ADARB1: variants seen among roughly 807,000 people sequenced by gnomAD.
The protein encoded by ADARB1 is adenosine deaminase RNA specific B1.
A neutral mutation model predicts 52.4 loss-of-function variants in ADARB1; 10 were observed. The ratio of observed to expected loss-of-function variants is 0.19; its 90% CI spans 0.12 to 0.32. ADARB1 has a LOEUF of 0.32. ADARB1 is among the 10% of genes least tolerant of loss of function. The pLI is 1.00. For missense variants in ADARB1, 643 were observed against 922.3 expected (o/e 0.70, Z 3.92); for synonymous variants, 349 against 371.1 (o/e 0.94, Z 0.68).
intron 1 of ADARB1, among the ~76,000 whole-genome samples, chr21:45,114,993 T>G (rs2087749993): frequency 6.6e-6 from 1 of 152,230 alleles, no homozygotes; most frequent in Admixed American, 6.5e-5. Context: ...AGCTTTTATT[T>G]GAAACAACAG....
intron 9 of ADARB1, among the ~76,000 whole-genome samples, chr21:45,219,291 C>T (rs750287822): frequency 3.3e-5 from 5 of 152,004 alleles, no homozygotes; most frequent in Admixed American, 2.0e-4. Context: ...TTTGGGAGGC[C>T]GAGGCGGGAA....
At chr21:45,117,275 T>G (rs573360840) in intron 1 of ADARB1, among the ~76,000 whole-genome samples, 3 of 152,336 alleles carry the variant, frequency 2.0e-5, no homozygotes, top group Non-Finnish European at 4.4e-5. Flanking sequence ...ACTCTCTGGC[T>G]TGTCCTTGTG....
At chr21:45,137,605 C>T (rs2089465557) in intron 2 of ADARB1, among the ~76,000 whole-genome samples, 2 of 152,314 alleles carry the variant, frequency 1.3e-5, no homozygotes, top group Admixed American at 6.5e-5. Flanking sequence ...AGGATGTCTG[C>T]GTTCAGTGAT....
rs1369736548 is a variant in ADARB1, at chr21:45,111,916, GGGT to G, written c.-219-16484_-219-16482del. Among the ~76,000 whole-genome samples the G allele has an allele frequency of 3.3e-5, 5 of 152,356 alleles. No homozygotes were observed. In the South Asian group the frequency reaches 1.0e-3, roughly 32 times the overall value. On this transcript the variant is annotated intron_variant, in intron 1 of 10. Transcript: ENST00000348831. The stretch of plus-strand genomic sequence containing the variant: ...TGAGCACACGCACTTCAGCGTGAGT[GGGT>G]GATGCTGGCATGGTGCCTGGTTGGG...
intron 1 of ADARB1, among the ~76,000 whole-genome samples, chr21:45,113,619 C>T (rs1410212432): frequency 6.6e-6 from 1 of 151,766 alleles, no homozygotes; most frequent in Non-Finnish European, 1.5e-5. Flanking sequence ...AGTGTCTGTA[C>T]AGCGTCACCT....
At position 45,184,917 on chromosome 21, in the gene ADARB1, T is replaced by C. The variant is rs1159039660; in HGVS notation, c.1397-6T>C. The C allele has an allele frequency of 1.2e-6, 2 of 1,607,594 alleles. No individual in the cohort carries two copies. Among genetic ancestry groups the C allele is most frequent in the Non-Finnish European group, 1.7e-6 (2 of 1,174,790 alleles). On this transcript the variant is annotated splice_polypyrimidine_tract_variant and splice_region_variant and intron_variant, in intron 7 of 10. Transcript: ENST00000348831. Reference sequence around the variant, plus strand: ...CTGTGGGGTTTTAACTCTTTTTCTCTCTTAGAACCAGCAGATAGACACCCA... The same window carrying C: ...CTGTGGGGTTTTAACTCTTTTTCTCCCTTAGAACCAGCAGATAGACACCCA...
At chr21:45,192,632 G>A (rs914562507) in intron 8 of ADARB1, among the ~76,000 whole-genome samples, 2 of 152,096 alleles carry the variant, frequency 1.3e-5, no homozygotes, top group Non-Finnish European at 2.9e-5. Context: ...TGGAAGATGA[G>A]ATGCCACTTG....
rs528926435 is a variant in ADARB1, at chr21:45,087,539, G to A, written c.-220+12746G>A. 7.9e-5 allele frequency among the ~76,000 whole-genome samples: 12 copies of A among 152,270 alleles called. No individual in the cohort carries two copies. The East Asian group carries it at 1.4e-3, about 17-fold the overall frequency. Reference sequence around the variant, plus strand: ...TGGTGACTGCAGAGGGCCAGGGGACGGAGGAGGAGTGGGTGCCAGGTCATA... The same window carrying A: ...TGGTGACTGCAGAGGGCCAGGGGACAGAGGAGGAGTGGGTGCCAGGTCATA... On this transcript the variant is annotated intron_variant, in intron 1 of 10. Coordinates refer to ENST00000348831, the MANE Select transcript of ADARB1 (RefSeq NM_001112.4).
chr21:45,095,115 A>G (rs965471015), intron 1 of ADARB1, among the ~76,000 whole-genome samples: 4 of 152,204 alleles, frequency 2.6e-5, no homozygotes, highest in African/African-American at 9.7e-5. Flanking sequence ...GGTCTCAATC[A>G]GTGTCTCAAC....
At position 45,221,109 on chromosome 21, in the gene ADARB1, C is replaced by T. The variant is rs963465603; in HGVS notation, c.1926+95C>T. On this transcript the variant is annotated intron_variant, in intron 10 of 10. Transcript: ENST00000348831. The surrounding 1 kb of genome is among the most constrained non-coding windows in gnomAD (Gnocchi z 4.9). ...TGTTCCTTAAGTTGTTTCATCATGT[C>T]ATCATGCACAGCTTCCGAAAACGAT... 2.4e-5 allele frequency: 32 copies of T among 1,339,464 alleles called. 2 individuals are homozygous for T. The Admixed American group carries it at 7.2e-4, about 30-fold the overall frequency. 83.0% of individuals were successfully genotyped at this position (1,339,464 alleles called of 1,614,324 possible).
chr21:45,078,095 C>A (rs2086016816), intron 1 of ADARB1, among the ~76,000 whole-genome samples: 1 of 151,992 alleles, frequency 6.6e-6, no homozygotes, highest in African/African-American at 2.4e-5. Flanking sequence ...GCTTGCTGCA[C>A]TTTTCCACCT....
chr21:45,086,385 A>G (rs1292043258), intron 1 of ADARB1, among the ~76,000 whole-genome samples: 1 of 151,950 alleles, frequency 6.6e-6, no homozygotes, highest in African/African-American at 2.4e-5. Context: ...CTAAGAGGAC[A>G]ATTCAGTGAT....
At chr21:45,159,820 C>T (rs1445887871) in intron 2 of ADARB1, among the ~76,000 whole-genome samples, 1 of 152,228 alleles carries the variant, frequency 6.6e-6, no homozygotes, top group East Asian at 1.9e-4. Flanking sequence ...GCCGTGTTGG[C>T]TTCCAAGAGG....
At chr21:45,189,714 A>G (rs76119893) in intron 8 of ADARB1, among the ~76,000 whole-genome samples, 2,415 of 150,228 alleles carry the variant, frequency 0.016, 146 homozygotes, top group East Asian at 0.15. Flanking sequence ...CAGATCAAAT[A>G]TGCTTGGTTG....
intron 2 of ADARB1, among the ~76,000 whole-genome samples, chr21:45,149,402 C>T (rs1343600363): frequency 2.6e-5 from 4 of 152,228 alleles, no homozygotes; most frequent in Non-Finnish European, 5.9e-5. Context: ...CTGACACTGG[C>T]AGGGGTTGGG....
rs1051933683 is a variant in ADARB1 at position 45,220,445 on chromosome 21, T to A, written c.1748-391T>A. Among the ~76,000 whole-genome samples, 1 of 152,056 alleles carries A rather than the reference T, an allele frequency of 6.6e-6. No homozygotes were observed. The highest frequency in any genetic ancestry group is 2.4e-5 in the African/African-American group (1 of 41,400). ...CTGCACGACCTCATGGGACCCTGCA[T>A]TAGTCTCAGAAGTGGCTCCCACCCA... On this transcript the variant is annotated intron_variant, in intron 9 of 10. Transcript: ENST00000348831. The surrounding 1 kb of genome is among the most constrained non-coding windows in gnomAD (Gnocchi z 6.3).
At position 45,220,725 on chromosome 21, in the gene ADARB1, C is replaced by T. The variant is rs1197631132; in HGVS notation, c.1748-111C>T. 8.5e-7 allele frequency: 1 copy of T among 1,180,282 alleles called. No homozygotes were observed. The highest frequency in any genetic ancestry group is 1.2e-6 in the Non-Finnish European group (1 of 823,956). The allele number at this position is 1,180,282 out of a possible 1,614,324, so 73.1% of individuals were successfully genotyped here. On this transcript the variant is annotated intron_variant, in intron 9 of 10. Transcript: ENST00000348831. This position sits in a 1 kb window ranked among gnomAD's most constrained non-coding sequence, Gnocchi z 6.3. ...TATATTCCTCGGCAGGCAGAATTCC[C>T]CCACCACGCACTTCTGTGGCCATGT...
Position 45,223,155 on chromosome 21 carries a change from G to A in ADARB1, c.*958G>A, listed in dbSNP as rs375876617. On this transcript the variant is annotated 3_prime_UTR_variant, in exon 11 of 11. Coordinates refer to ENST00000348831, the MANE Select transcript of ADARB1 (RefSeq NM_001112.4). ...CTGAATCGAATGGATGTGGGTGACC[G>A]CCCGAAGGCCTTCACAGGATGGAAG... The A allele has an allele frequency of 5.1e-5, 50 of 985,462 alleles. No homozygotes were observed. The South Asian group carries it at 1.6e-3, about 31-fold the overall frequency. 61.0% of individuals were successfully genotyped at this position (985,462 alleles called of 1,614,324 possible).
At chr21:45,113,221 G>A (rs1322454404) in intron 1 of ADARB1, among the ~76,000 whole-genome samples, 19 of 152,008 alleles carry the variant, frequency 1.2e-4, no homozygotes, top group African/African-American at 2.4e-4. Flanking sequence ...TCAGGAGTTC[G>A]AGACCAGCCT....
Sources: gnomAD v4.1 joint callset for allele counts (sites outside exome capture counted in the v4.1 genomes callset) on GRCh38, gnomAD v4.1.1 for gene constraint, Gnocchi (gnomAD v3.1) non-coding constraint, MANE v1.5 for transcripts, NCBI Gene and HGNC (gene_info 2026-07-23, HGNC 2026-07-21) for gene names.